CCDC148: variants seen among roughly 807,000 people sequenced by gnomAD.
CCDC148 encodes the protein coiled-coil domain containing 148.
CCDC148 carries 89 observed loss-of-function variants against 85.7 expected under a neutral mutation model. That is an observed-to-expected ratio of 1.04 (90% CI 0.87 to 1.24). CCDC148 has a LOEUF of 1.24. CCDC148 is among the 50% of genes most tolerant of loss of function. CCDC148 has a pLI of 0.00. For synonymous variants in CCDC148, 230 were observed against 213.9 expected, an observed-to-expected ratio of 1.08 and a Z score of -0.66; for missense variants, 692 against 671.7, an observed-to-expected ratio of 1.03 and a Z score of -0.33.
At chr2:158,205,487 A>C (rs1325477427) in intron 11 of CCDC148, among the ~76,000 whole-genome samples, 2 of 151,990 alleles carry the variant, frequency 1.3e-5, no homozygotes, top group East Asian at 3.9e-4. Flanking sequence ...TGAATGTAAC[A>C]GTGTGTATTG....
intron 1 of CCDC148, among the ~76,000 whole-genome samples, chr2:158,408,114 A>G (rs1686102888): frequency 6.6e-6 from 1 of 152,206 alleles, no homozygotes; most frequent in Non-Finnish European, 1.5e-5. Flanking sequence ...TATAGTTGAC[A>G]AATGAAATTA....
intron 2 of CCDC148, among the ~76,000 whole-genome samples, chr2:158,350,324 T>C (rs1196413114): frequency 6.6e-6 from 1 of 152,194 alleles, no homozygotes; most frequent in Non-Finnish European, 1.5e-5. Flanking sequence ...CCATTCTACA[T>C]TCAGCCAAAA....
chr2:158,240,204 C>A (rs1688289261), intron 10 of CCDC148, among the ~76,000 whole-genome samples: 1 of 151,252 alleles, frequency 6.6e-6, no homozygotes, highest in African/African-American at 2.4e-5. Flanking sequence ...TTTCCAGGGT[C>A]TAAGAAGTCT....
intron 11 of CCDC148, among the ~76,000 whole-genome samples, chr2:158,201,007 T>C (rs1413952637): frequency 6.6e-6 from 1 of 152,170 alleles, no homozygotes; most frequent in African/African-American, 2.4e-5. Context: ...GCCATTTGTT[T>C]CCCAATTAGC....
intron 9 of CCDC148, among the ~76,000 whole-genome samples, chr2:158,256,864 A>G (rs549366569): frequency 6.6e-6 from 1 of 151,664 alleles, no homozygotes; most frequent in Admixed American, 6.6e-5. Flanking sequence ...TCCCTATTCT[A>G]TTACAGCACG....
chr2:158,420,293 T>G (rs1372450579), intron 1 of CCDC148, among the ~76,000 whole-genome samples: 1 of 152,014 alleles, frequency 6.6e-6, no homozygotes, highest in African/African-American at 2.4e-5. Context: ...AGACACATAA[T>G]TATCAGATTC....
At chr2:158,307,789 T>G (rs1655851801) in intron 9 of CCDC148, among the ~76,000 whole-genome samples, 1 of 152,214 alleles carries the variant, frequency 6.6e-6, no homozygotes. Flanking sequence ...CTATATACTG[T>G]ATATATCATT....
At chr2:158,387,354 A>T (rs1234287359) in intron 1 of CCDC148, among the ~76,000 whole-genome samples, 1 of 151,858 alleles carries the variant, frequency 6.6e-6, no homozygotes, top group Non-Finnish European at 1.5e-5. Flanking sequence ...GCAATACAAC[A>T]GTGTAGGGTT....
intron 11 of CCDC148, among the ~76,000 whole-genome samples, chr2:158,208,256 A>G (rs1288616793): frequency 6.6e-6 from 1 of 152,222 alleles, no homozygotes; most frequent in Non-Finnish European, 1.5e-5. Flanking sequence ...TCTTAGGTGG[A>G]AGCAAATTTT....
In CCDC148 at chr2:158,313,867, G is replaced by T. The variant is rs1225512366; in HGVS notation, c.792C>A (p.His264Gln). 1.2e-6 allele frequency: 2 copies of T among 1,613,318 alleles called. No homozygotes were observed. The highest frequency in any genetic ancestry group is 1.3e-5 in the African/African-American group (1 of 74,896). Residue 264 changes from histidine to glutamine, a missense_variant, in exon 8 of 14, where the codon CAC becomes CAA. By Grantham distance (24) the His-to-Gln change is conservative (BLOSUM62 0). Coordinates refer to ENST00000283233, the MANE Select transcript of CCDC148 (RefSeq NM_138803.4). ...YRNCQLSEEDHWIYQAILDQY... is the reference protein window; with the variant it reads ...YRNCQLSEEDQWIYQAILDQY... The stretch of plus-strand genomic sequence containing the variant: ...GATCCAAAATAGCCTGGTAAATCCA[G>T]TGGTCTTCTTCACTTAGTTGACAGT...
intron 9 of CCDC148, among the ~76,000 whole-genome samples, chr2:158,302,994 T>C (rs1316345810): frequency 6.6e-6 from 1 of 152,082 alleles, no homozygotes. Context: ...GTGAGAGGCC[T>C]AAATGCCTCT....
At chr2:158,377,601 C>A (rs1326255691) in intron 1 of CCDC148, among the ~76,000 whole-genome samples, 1 of 151,966 alleles carries the variant, frequency 6.6e-6, no homozygotes, top group Non-Finnish European at 1.5e-5. Flanking sequence ...TACAGGCATA[C>A]CTTGTTTTGT....
At chr2:158,279,139 C>T (rs1253540385) in intron 9 of CCDC148, among the ~76,000 whole-genome samples, 3 of 152,188 alleles carry the variant, frequency 2.0e-5, no homozygotes, top group African/African-American at 7.2e-5. Context: ...ACATCACCAT[C>T]ATCAAACACC....
intron 10 of CCDC148, among the ~76,000 whole-genome samples, chr2:158,239,813 T>G (rs1441240420): frequency 1.3e-5 from 2 of 151,972 alleles, no homozygotes; most frequent in East Asian, 3.9e-4. Context: ...TACTTGGGAG[T>G]CTTGTCTACA....
chr2:158,417,974 G>C (rs1004480859), intron 1 of CCDC148, among the ~76,000 whole-genome samples: 12 of 152,112 alleles, frequency 7.9e-5, no homozygotes, highest in South Asian at 6.2e-4. Flanking sequence ...AATATGCATA[G>C]TTCAAATCTA....
intron 7 of CCDC148, among the ~76,000 whole-genome samples, chr2:158,330,284 G>T (rs111526204): frequency 1.3e-5 from 2 of 152,020 alleles, no homozygotes; most frequent in Non-Finnish European, 2.9e-5. Flanking sequence ...TTTTGTCTTT[G>T]GTTCTGTTTA....
rs532678245 is a variant in CCDC148, at chr2:158,386,736, C to G, written c.26-28166G>C. Reference sequence around the variant, plus strand: ...TTTAAAAAAATCAATACCTAGGGCCCCTGAAGTCACCAAATTGCCCATTTC... The same window carrying G: ...TTTAAAAAAATCAATACCTAGGGCCGCTGAAGTCACCAAATTGCCCATTTC... On this transcript the variant is annotated intron_variant, in intron 1 of 13. Transcript: ENST00000283233. Among the ~76,000 whole-genome samples, 11 of 152,190 alleles carry G rather than the reference C, an allele frequency of 7.2e-5. No individual in the cohort carries two copies. The South Asian group carries it at 1.9e-3, about 26-fold the overall frequency.
chr2:158,428,896 T>A (rs969654799), intron 1 of CCDC148, among the ~76,000 whole-genome samples: 4 of 151,976 alleles, frequency 2.6e-5, no homozygotes, highest in African/African-American at 7.3e-5. Context: ...CAAATGTCCA[T>A]CAATGATAGA....
chr2:158,292,903 T>A (rs192925603), intron 9 of CCDC148, among the ~76,000 whole-genome samples: 1 of 152,206 alleles, frequency 6.6e-6, no homozygotes, highest in East Asian at 1.9e-4. Context: ...ATTCCTCCTA[T>A]AGCACTTTTT....
Sources: allele counts gnomAD v4.1 joint callset (sites outside exome capture counted in the v4.1 genomes callset), GRCh38; gene constraint gnomAD v4.1.1; transcripts MANE v1.5; gene names NCBI Gene and HGNC (gene_info 2026-07-23, HGNC 2026-07-21).